FHIP2A: variants seen among roughly 807,000 people sequenced by gnomAD.
FHIP2A encodes family with sequence similarity 160 member B1.
Under a neutral mutation model 93.5 loss-of-function variants are expected in FHIP2A, and 46 were observed. The ratio of observed to expected loss-of-function variants is 0.49; its 90% CI spans 0.39 to 0.63. FHIP2A has a LOEUF of 0.63. Among genes scored for constraint, FHIP2A ranks in the 20% least tolerant of loss-of-function variants. The pLI, the probability that FHIP2A is intolerant of heterozygous loss-of-function variation, is 0.00. For synonymous variants in FHIP2A, 332 were observed against 326.5 expected, an observed-to-expected ratio of 1.02 and a Z score of -0.18; for missense variants, 769 against 909.7, an observed-to-expected ratio of 0.85 and a Z score of 1.99.
intron 2 of FHIP2A, among the ~76,000 whole-genome samples, chr10:114,831,766 GAC>G (rs1267029657): frequency 6.6e-6 from 1 of 152,148 alleles, no homozygotes; most frequent in African/African-American, 2.4e-5. Context: ...AGTTGTTGGT[GAC>G]TGATGCTTAC....
At position 114,864,287 on chromosome 10, in the gene FHIP2A, T is replaced by C. The variant is rs1265479170; in HGVS notation, c.*2747T>C. ...ATACAATTGCCATTTAATTATGAAGTCCATCAGTATTGACAGAAGACGTTA... is the reference window on the plus strand; with the variant it reads ...ATACAATTGCCATTTAATTATGAAGCCCATCAGTATTGACAGAAGACGTTA... On this transcript the variant is annotated 3_prime_UTR_variant, in exon 17 of 17. Transcript: ENST00000369248. 2.0e-6 allele frequency: 2 copies of C among 984,302 alleles called. No individual in the cohort carries two copies. The highest frequency in any genetic ancestry group is 2.4e-6 in the Non-Finnish European group (2 of 828,484). 61.0% of individuals were successfully genotyped at this position (984,302 alleles called of 1,614,324 possible).
chr10:114,855,715 G>T (rs1052710635), intron 14 of FHIP2A, among the ~76,000 whole-genome samples: 2 of 152,178 alleles, frequency 1.3e-5, no homozygotes, highest in African/African-American at 4.8e-5. Flanking sequence ...ATTTCAGATT[G>T]AATCTTGAAC....
chr10:114,885,040 C>T (rs975699519), intron 16 of FHIP2A, among the ~76,000 whole-genome samples: 1 of 151,962 alleles, frequency 6.6e-6, no homozygotes, highest in African/African-American at 2.4e-5. Context: ...ATAAGAATAT[C>T]CCTAAATGAA....
chr10:114,848,631 G>T lies in FHIP2A; in HGVS notation c.1713-16G>T. Reference sequence around the variant, plus strand: ...CAAATGGACATCTTGCATAATTGTGGCCGTTTTCATTTAAGTTTTCTCTGT... The same window carrying T: ...CAAATGGACATCTTGCATAATTGTGTCCGTTTTCATTTAAGTTTTCTCTGT... On this transcript the variant is annotated splice_polypyrimidine_tract_variant and intron_variant, in intron 12 of 16. Transcript: ENST00000369248. 6.6e-7 allele frequency: 1 copy of T among 1,522,932 alleles called. No homozygotes were observed. Among genetic ancestry groups the T allele is most frequent in the Non-Finnish European group, 9.1e-7 (1 of 1,102,454 alleles). The allele number at this position is 1,522,932 out of a possible 1,614,324, so 94.3% of individuals were successfully genotyped here.
chr10:114,833,811 T>G (rs2083622167), intron 3 of FHIP2A, among the ~76,000 whole-genome samples: 1 of 152,240 alleles, frequency 6.6e-6, no homozygotes, highest in Non-Finnish European at 1.5e-5. Flanking sequence ...TTTATATTTT[T>G]TAGGCCTGAT....
chr10:114,833,445 G>T (rs1465418392), intron 3 of FHIP2A, 43 bp downstream of exon 3: 2 of 1,531,794 alleles, frequency 1.3e-6, no homozygotes, highest in Non-Finnish European at 9.0e-7. Context: ...ATTAGTACAT[G>T]CATTAATGTC....
chr10:114,887,445 T>A (rs748401680), intron 16 of FHIP2A, among the ~76,000 whole-genome samples: 8 of 152,206 alleles, frequency 5.3e-5, no homozygotes, highest in Non-Finnish European at 8.8e-5. Flanking sequence ...AAAAACCCTA[T>A]GAGGGAGGCC....
At chr10:114,873,518 A>G (rs1031387861) in intron 16 of FHIP2A, among the ~76,000 whole-genome samples, 3 of 152,192 alleles carry the variant, frequency 2.0e-5, no homozygotes, top group African/African-American at 7.2e-5. Context: ...TCAGAAGTGT[A>G]GAGTTAATAC....
chr10:114,835,660 A>G lies in FHIP2A; in HGVS notation c.399+19A>G, dbSNP rs983723478. The G allele has an allele frequency of 1.1e-5, 15 of 1,356,228 alleles. No individual in the cohort carries two copies. The highest frequency in any genetic ancestry group is 1.4e-5 in the Non-Finnish European group (14 of 980,660). 84.0% of individuals were successfully genotyped at this position (1,356,228 alleles called of 1,614,324 possible). A position where few individuals can be genotyped will look rare whatever the true frequency, so the allele number is the denominator to read the frequency against. ...AGTGCAGGTATTTTGTTCCCCCTACATAAAATCATTTTGTTTGATTTCTTT... is the reference window on the plus strand; with the variant it reads ...AGTGCAGGTATTTTGTTCCCCCTACGTAAAATCATTTTGTTTGATTTCTTT... On this transcript the variant is annotated intron_variant, in intron 4 of 16. Transcript: ENST00000369248.
intron 16 of FHIP2A, among the ~76,000 whole-genome samples, chr10:114,876,288 T>C (rs2083888909): frequency 6.6e-6 from 1 of 152,198 alleles, no homozygotes; most frequent in African/African-American, 2.4e-5. Flanking sequence ...ACGTCATCTC[T>C]GGTCCTGCTC....
At position 114,864,678 on chromosome 10, in the gene FHIP2A, AGGGAT is replaced by A; in HGVS notation, c.*3140_*3144del. The A allele has an allele frequency of 1.5e-5, 15 of 985,182 alleles. No homozygotes were observed. The highest frequency in any genetic ancestry group is 1.8e-5 in the Non-Finnish European group (15 of 829,496). 61.0% of individuals were successfully genotyped at this position (985,182 alleles called of 1,614,324 possible). ...TGCTAACAATGCATGCAGGACTAAG[AGGGAT>A]GATCTAAAAAATAAATAATGTAATT... On this transcript the variant is annotated 3_prime_UTR_variant, in exon 17 of 17. Transcript: ENST00000369248.
Position 114,863,493 on chromosome 10 carries a change from C to T in FHIP2A, c.*1953C>T. 8.9e-7 allele frequency: 1 copy of T among 1,128,484 alleles called. No individual in the cohort carries two copies. The highest frequency in any genetic ancestry group is 1.1e-6 in the Non-Finnish European group (1 of 913,730). The allele number at this position is 1,128,484 out of a possible 1,614,324, so 69.9% of individuals were successfully genotyped here. On this transcript the variant is annotated 3_prime_UTR_variant, in exon 17 of 17. Coordinates refer to ENST00000369248, the MANE Select transcript of FHIP2A (RefSeq NM_020940.4). Reference sequence around the variant, plus strand: ...GTCCATGAAACCAAGCTCAGAAAAGCTTTAACTCTTATATTTGTGTATATG... The same window carrying T: ...GTCCATGAAACCAAGCTCAGAAAAGTTTTAACTCTTATATTTGTGTATATG...
chr10:114,843,759 A>G lies in FHIP2A; in HGVS notation c.835A>G (p.Lys279Glu), dbSNP rs935657707. The G allele has an allele frequency of 6.4e-7, 1 of 1,553,386 alleles. No individual in the cohort carries two copies. Among genetic ancestry groups the G allele is most frequent in the Non-Finnish European group, 8.6e-7 (1 of 1,156,908 alleles). Residue 279 changes from lysine to glutamate, a missense_variant, in exon 7 of 17, where the codon AAG becomes GAG. By Grantham distance (56) the Lys-to-Glu change is moderately conservative (BLOSUM62 1). Transcript: ENST00000369248. ...CCTTTAGGATGGCAGAATAGCTGTGAAGGCATGTGAAGGCTTGATGCTGTT... is the reference window on the plus strand; with the variant it reads ...CCTTTAGGATGGCAGAATAGCTGTGGAGGCATGTGAAGGCTTGATGCTGTT... Reference protein sequence around the residue: ...TRSPDGRIAVKACEGLMLLVS... With the variant: ...TRSPDGRIAVEACEGLMLLVS...
At chr10:114,851,577 G>A (rs867206842) in intron 13 of FHIP2A, among the ~76,000 whole-genome samples, 9 of 151,964 alleles carry the variant, frequency 5.9e-5, no homozygotes, top group Middle Eastern at 3.4e-3. Context: ...ACCCTGTCTC[G>A]GTTACTGCAG....
At chr10:114,898,323 C>G (rs541301077) in intron 16 of FHIP2A, among the ~76,000 whole-genome samples, 1 of 152,320 alleles carries the variant, frequency 6.6e-6, no homozygotes, top group South Asian at 2.1e-4. Flanking sequence ...CCACTTGCTC[C>G]TATGGCACAT....
intron 5 of FHIP2A, among the ~76,000 whole-genome samples, chr10:114,841,300 T>G (rs1409222292): frequency 6.6e-6 from 1 of 150,620 alleles, no homozygotes; most frequent in Non-Finnish European, 1.5e-5. Context: ...TGGTTTTTTT[T>G]TTTTTTTTTT....
chr10:114,850,524 C>G (rs939907788), intron 13 of FHIP2A, among the ~76,000 whole-genome samples: 1 of 143,364 alleles, frequency 7.0e-6, no homozygotes, highest in African/African-American at 2.5e-5. Context: ...TTCACAATCC[C>G]ATTTTTACAA....
At chr10:114,867,419 A>T (rs533436133), downstream of FHIP2A, among the ~76,000 whole-genome samples, 150 of 152,242 alleles carry the variant, frequency 9.9e-4, no homozygotes, top group African/African-American at 3.3e-3. Flanking sequence ...TTCTAAGACT[A>T]TTGTATAGTG....
At chr10:114,889,735 C>T (rs1341642862) in intron 16 of FHIP2A, among the ~76,000 whole-genome samples, 1 of 152,248 alleles carries the variant, frequency 6.6e-6, no homozygotes, top group African/African-American at 2.4e-5. Flanking sequence ...TGCCCCCTCA[C>T]CAGCACATTC....
Sources: gnomAD v4.1 joint callset for allele counts (sites outside exome capture counted in the v4.1 genomes callset) on GRCh38, gnomAD v4.1.1 for gene constraint, MANE v1.5 for transcripts, NCBI Gene and HGNC (gene_info 2026-07-23, HGNC 2026-07-21) for gene names.